Variants in NIPAL3 observed in about 807,000 individuals in gnomAD.
NIPAL3 encodes the protein NIPA-like protein 3.
Under a neutral mutation model 47.2 loss-of-function variants are expected in NIPAL3, and 41 were observed. The observed-to-expected ratio is 0.87, with a 90% CI of 0.68 to 1.13. The LOEUF is 1.13. Ranked by LOEUF, NIPAL3 falls within the 50% of genes most tolerant of loss-of-function variation. The pLI, the probability that NIPAL3 is intolerant of heterozygous loss-of-function variation, is 0.00. For missense variants in NIPAL3, 449 were observed against 530.1 expected (o/e 0.85, Z 1.50); for synonymous variants, 194 against 209.6 (o/e 0.93, Z 0.64).
At chr1:24,450,974 G>A (rs1233577128) in intron 6 of NIPAL3, among the ~76,000 whole-genome samples, 2 of 152,224 alleles carry the variant, frequency 1.3e-5, no homozygotes, top group East Asian at 1.9e-4. Context: ...TGGGCAAAGC[G>A]TTACCCCAGA....
intron 3 of NIPAL3, among the ~76,000 whole-genome samples, chr1:24,441,131 C>T (rs1645363264): frequency 6.6e-6 from 1 of 152,192 alleles, no homozygotes; most frequent in African/African-American, 2.4e-5. Context: ...CACTGGCCGG[C>T]TTCACTCCAC....
In NIPAL3 at chr1:24,468,266, G is replaced by C. The variant is rs377321063; in HGVS notation, c.1022-720G>C. On this transcript the variant is annotated intron_variant, in intron 11 of 11. Coordinates refer to ENST00000374399, the MANE Select transcript of NIPAL3 (RefSeq NM_020448.5). ...AGAGGTTGAGGCTGCAGTGAGCCAA[G>C]ATCGCTCCACTGCACTCCAGCCTGG... Among the ~76,000 whole-genome samples the C allele has an allele frequency of 7.2e-4, 110 of 152,266 alleles. 1 individual carries two copies. The Middle Eastern group carries it at 0.01, about 14-fold the overall frequency.
At chr1:24,445,889 A>G (rs2148817705) in intron 5 of NIPAL3, among the ~76,000 whole-genome samples, 1 of 152,348 alleles carries the variant, frequency 6.6e-6, no homozygotes, top group Non-Finnish European at 1.5e-5. Flanking sequence ...AAGTTGAGAA[A>G]TGTAGACCAA....
chr1:24,471,183 C>T lies in NIPAL3; in HGVS notation c.*1998C>T, dbSNP rs1372628190. The T allele has an allele frequency of 2.6e-5, 4 of 152,118 alleles. No individual in the cohort carries two copies. Among genetic ancestry groups the T allele is most frequent in the East Asian group, 1.9e-4 (1 of 5,180 alleles). 9.4% of individuals were successfully genotyped at this position (152,118 alleles called of 1,614,324 possible). On this transcript the variant is annotated 3_prime_UTR_variant, in exon 12 of 12. Transcript: ENST00000374399. ...GCATATAAAATAGGGTGATCACCCC[C>T]GAGGCAGAGGGGCCAGCATTTGCAA...
chr1:24,414,648 C>G (rs1434211052), upstream of NIPAL3: 1 of 151,318 alleles, frequency 6.6e-6, no homozygotes, highest in African/African-American at 2.4e-5. Flanking sequence ...GATCCTCCCG[C>G]CTCAGCCTCC....
chr1:24,432,662 C>T (rs1644929019), intron 2 of NIPAL3, among the ~76,000 whole-genome samples: 1 of 152,218 alleles, frequency 6.6e-6, no homozygotes, highest in South Asian at 2.1e-4. Context: ...ATCTCTTATC[C>T]TCTGTGCCTC....
At chr1:24,440,377 G>T (rs889919443) in intron 3 of NIPAL3, 137 bp downstream of exon 3, 6 of 538,498 alleles carry the variant, frequency 1.1e-5, no homozygotes, top group Non-Finnish European at 1.8e-5. Flanking sequence ...ACAATACCTT[G>T]TGGGCCGTTC....
In NIPAL3 at chr1:24,416,362, G is replaced by C; in HGVS notation, c.-258+458G>C. ...TAACCTTCTCGTGAGCCAAAGCCGA[G>C]GAACGGGAAGCTTGGCAGGGAACTG... On this transcript the variant is annotated intron_variant, in intron 1 of 11. Transcript: ENST00000374399. The surrounding 1 kb of genome is among the most constrained non-coding windows in gnomAD (Gnocchi z 4.8). 1.0e-6 allele frequency: 1 copy of C among 983,216 alleles called. No individual in the cohort carries two copies. Among genetic ancestry groups the C allele is most frequent in the Non-Finnish European group, 1.2e-6 (1 of 827,912 alleles). 60.9% of individuals were successfully genotyped at this position (983,216 alleles called of 1,614,324 possible). A position where few individuals can be genotyped will look rare whatever the true frequency, so the allele number is the denominator to read the frequency against.
At chr1:24,415,592 A>C (rs1002972071), upstream of NIPAL3, 7 of 152,550 alleles carry the variant, frequency 4.6e-5, no homozygotes, top group South Asian at 2.1e-4. Context: ...TCCCCGCTCC[A>C]GGTGAGCGCC....
intron 2 of NIPAL3, among the ~76,000 whole-genome samples, chr1:24,428,373 T>G (rs1252276899): frequency 3.3e-5 from 5 of 152,090 alleles, no homozygotes; most frequent in East Asian, 1.9e-4. Flanking sequence ...CACTTTTTTT[T>G]GTAAAAATTG....
chr1:24,436,492 CT>C (rs964709493), intron 2 of NIPAL3, among the ~76,000 whole-genome samples: 189 of 144,516 alleles, frequency 1.3e-3, no homozygotes, highest in Admixed American at 1.3e-3. Context: ...TTATGTTTGT[CT>C]TTTTTTTTTT....
chr1:24,436,494 T>A (rs974708458), intron 2 of NIPAL3, among the ~76,000 whole-genome samples: 1 of 148,020 alleles, frequency 6.8e-6, no homozygotes, highest in Non-Finnish European at 1.5e-5. Context: ...ATGTTTGTCT[T>A]TTTTTTTTTT....
intron 1 of NIPAL3, among the ~76,000 whole-genome samples, chr1:24,417,629 G>A (rs1051292553): frequency 2.0e-5 from 3 of 152,188 alleles, no homozygotes; most frequent in Non-Finnish European, 1.5e-5. Flanking sequence ...ATATAACCTC[G>A]TCTGCAGGTA....
intron 6 of NIPAL3, among the ~76,000 whole-genome samples, chr1:24,452,853 A>ATTTTTTTTTTTTTTTTTTT (rs3054551): frequency 8.1e-6 from 1 of 124,216 alleles, no homozygotes. Flanking sequence ...CGCCCAGCTA[A>ATTTTTTTTTTTTTTTTTTT]TTTTTTTTTT....
chr1:24,437,665 G>A (rs1645186109), intron 2 of NIPAL3, among the ~76,000 whole-genome samples: 1 of 152,136 alleles, frequency 6.6e-6, no homozygotes, highest in South Asian at 2.1e-4. Context: ...GCCTCACCTT[G>A]GGCTGAAGGG....
At chr1:24,450,154 T>G (rs1040013046) in intron 6 of NIPAL3, among the ~76,000 whole-genome samples, 17 of 152,302 alleles carry the variant, frequency 1.1e-4, no homozygotes, top group African/African-American at 4.1e-4. Flanking sequence ...GTCAGTTTTA[T>G]TTTTTAGAGG....
intron 11 of NIPAL3, chr1:24,465,956 A>C: frequency 1.3e-6 from 2 of 1,570,888 alleles, no homozygotes; most frequent in Non-Finnish European, 1.7e-6. Context: ...TTTTCCAGCC[A>C]CTTGGTTTCC....
In NIPAL3 at chr1:24,469,016, C is replaced by G; in HGVS notation, c.1052C>G (p.Thr351Ser). The part of the protein sequence containing the change: ...GMQNMHDKGM[T>S]VQPELKASFS... ...CAGAACATGCACGATAAAGGGATGA[C>G]TGTCCAGCCTGAACTTAAAGCTTCT... Residue 351 changes from threonine (T) to serine (S), a missense_variant, in exon 12 of 12, where the codon ACT becomes AGT. Thr to Ser is a moderately conservative substitution (Grantham distance 58, BLOSUM62 1). Coordinates refer to ENST00000374399, the MANE Select transcript of NIPAL3 (RefSeq NM_020448.5). 6.2e-7 allele frequency: 1 copy of G among 1,614,196 alleles called. No homozygotes were observed. The highest frequency in any genetic ancestry group is 2.2e-5 in the East Asian group (1 of 44,886).
chr1:24,440,438 T>TA (rs1490766160), intron 3 of NIPAL3, among the ~76,000 whole-genome samples, 198 bp downstream of exon 3: 1 of 152,192 alleles, frequency 6.6e-6, no homozygotes, highest in African/African-American at 2.4e-5. Context: ...CTCGCCCTCC[T>TA]AGCCAGGTCC....
Sources: gnomAD v4.1 joint callset for allele counts (sites outside exome capture counted in the v4.1 genomes callset) on GRCh38, gnomAD v4.1.1 for gene constraint, Gnocchi (gnomAD v3.1) non-coding constraint, MANE v1.5 for transcripts, NCBI Gene and HGNC (gene_info 2026-07-23, HGNC 2026-07-21) for gene names.